OR51B5: variants seen among roughly 807,000 people sequenced by gnomAD.
OR51B5 encodes olfactory receptor 51B5.
For synonymous variants in OR51B5, 186 were observed against 144.8 expected, an observed-to-expected ratio of 1.28 and a Z score of -2.04; for missense variants, 456 against 374.6, an observed-to-expected ratio of 1.22 and a Z score of -1.79.
intron 1 of OR51B5, among the ~76,000 whole-genome samples, chr11:5,373,489 G>A (rs939933545): frequency 1.3e-5 from 2 of 152,120 alleles, no homozygotes; most frequent in African/African-American, 2.4e-5. Context: ...AGGTCAGTGG[G>A]TGCAGCACAC....
intron 1 of OR51B5, among the ~76,000 whole-genome samples, chr11:5,398,086 G>A (rs1048993934): frequency 5.9e-5 from 9 of 152,254 alleles, no homozygotes; most frequent in African/African-American, 1.9e-4. Flanking sequence ...AGCATTAGGA[G>A]ATATACCTAA....
intron 1 of OR51B5, among the ~76,000 whole-genome samples, chr11:5,395,717 T>C (rs1044559642): frequency 2.0e-5 from 3 of 152,162 alleles, no homozygotes; most frequent in Non-Finnish European, 2.9e-5. Flanking sequence ...TCTTTCAACA[T>C]AGTAAAAAAG....
chr11:5,398,999 G>A (rs1849925986), intron 1 of OR51B5, among the ~76,000 whole-genome samples: 1 of 152,198 alleles, frequency 6.6e-6, no homozygotes, highest in Admixed American at 6.5e-5. Flanking sequence ...CCATGTCACA[G>A]TGTGAAGCCC....
At chr11:5,423,187 G>C in intron 1 of OR51B5, 1 of 1,541,680 alleles carries the variant, frequency 6.5e-7, no homozygotes, top group Non-Finnish European at 8.8e-7. Flanking sequence ...TGACAAGTAT[G>C]AGTCATAGGC....
intron 1 of OR51B5, among the ~76,000 whole-genome samples, chr11:5,493,563 AG>A: frequency 6.6e-6 from 1 of 152,334 alleles, no homozygotes. Flanking sequence ...ATTAGATTTA[AG>A]GTATTAATAT....
intron 1 of OR51B5, among the ~76,000 whole-genome samples, chr11:5,483,762 TG>T (rs1332559043): frequency 6.6e-6 from 1 of 152,128 alleles, no homozygotes; most frequent in African/African-American, 2.4e-5. Context: ...GGATGCCACC[TG>T]GGTTTTCCCA....
intron 1 of OR51B5, among the ~76,000 whole-genome samples, chr11:5,449,146 A>G (rs533587787): frequency 4.3e-4 from 66 of 152,310 alleles, no homozygotes; most frequent in Admixed American, 1.1e-3. Context: ...ACAGATTGCT[A>G]AGTTCTTTTT....
intron 1 of OR51B5, among the ~76,000 whole-genome samples, chr11:5,359,776 G>T (rs1849252811): frequency 6.6e-6 from 1 of 151,454 alleles, no homozygotes; most frequent in Non-Finnish European, 1.5e-5. Context: ...AAACAGCATG[G>T]TACTGGTACC....
exon 1 of OR51B5, chr11:5,343,025 CAATACAGAAAAA>C: frequency 6.2e-7 from 1 of 1,613,584 alleles, no homozygotes; most frequent in Non-Finnish European, 8.5e-7. Flanking sequence ...ATGGGAGTGA[CAATACAGAAAAA>C]AATAGAGGGG....
chr11:5,413,980 G>A (rs949224439), intron 1 of OR51B5, among the ~76,000 whole-genome samples: 3 of 146,264 alleles, frequency 2.1e-5, no homozygotes, highest in Non-Finnish European at 3.0e-5. Flanking sequence ...ACACACAATT[G>A]TCAGATTCTC....
At chr11:5,467,975 T>A (rs1851163624) in intron 1 of OR51B5, among the ~76,000 whole-genome samples, 1 of 152,236 alleles carries the variant, frequency 6.6e-6, no homozygotes, top group Non-Finnish European at 1.5e-5. Flanking sequence ...TGGTTTCTAT[T>A]TTTGTTCCAT....
In OR51B5 at chr11:5,430,005, G is replaced by A. The variant is rs191091776; in HGVS notation, n.84+75564C>T. 6.9e-3 allele frequency among the ~76,000 whole-genome samples: 1,053 copies of A among 152,270 alleles called. 12 individuals are homozygous for A. Among genetic ancestry groups the A allele is most frequent in the African/African-American group, 0.024 (1,011 of 41,560 alleles). ...TGGGTGTGAGACCACTGGACAGCAA[G>A]TTTTAGGAAGAGTCTCTTTTCTTAC... On this transcript the variant is annotated intron_variant and non_coding_transcript_variant, in intron 1 of 4. Transcript: ENST00000415970.
Position 5,446,111 on chromosome 11 carries a change from G to T in OR51B5, n.84+59458C>A, listed in dbSNP as rs7101842. Among the ~76,000 whole-genome samples, 783 of 152,170 alleles carry T rather than the reference G, an allele frequency of 5.1e-3. 5 individuals carry two copies. Among genetic ancestry groups the T allele is most frequent in the African/African-American group, 0.017 (726 of 41,496 alleles). ...CAGCCACTGGGGCTTGTTGTGGGGT[G>T]GGGGAGAGTGGAGGGATAGCATTAG... On this transcript the variant is annotated intron_variant and non_coding_transcript_variant, in intron 1 of 4. Transcript: ENST00000415970.
chr11:5,458,712 G>A (rs1286655024), intron 1 of OR51B5, among the ~76,000 whole-genome samples: 1 of 148,390 alleles, frequency 6.7e-6, no homozygotes, highest in Non-Finnish European at 1.5e-5. Context: ...TATTCTTTTT[G>A]TAACTATTTT....
chr11:5,373,010 A>G (rs1849468223), intron 1 of OR51B5, among the ~76,000 whole-genome samples: 1 of 152,248 alleles, frequency 6.6e-6, no homozygotes, highest in Admixed American at 6.5e-5. Flanking sequence ...GAGCCCAGAA[A>G]TAAATTTACG....
intron 1 of OR51B5, among the ~76,000 whole-genome samples, chr11:5,387,544 T>C (rs1849716783): frequency 6.6e-6 from 1 of 151,930 alleles, no homozygotes; most frequent in Non-Finnish European, 1.5e-5. Flanking sequence ...TATAATAAAA[T>C]TCAAAGTAGC....
chr11:5,482,637 A>T (rs1851441326), intron 1 of OR51B5, among the ~76,000 whole-genome samples: 2 of 115,876 alleles, frequency 1.7e-5, no homozygotes, highest in African/African-American at 7.0e-5. Context: ...CAGAATCTAC[A>T]ATGAACTCAA....
intron 1 of OR51B5, chr11:5,362,722 CT>C: frequency 4.4e-6 from 1 of 227,562 alleles, no homozygotes; most frequent in Non-Finnish European, 9.2e-6. Flanking sequence ...CCACCTGGTT[CT>C]TTGTTTACGA....
chr11:5,386,033 C>T (rs755243173), intron 1 of OR51B5, among the ~76,000 whole-genome samples: 17 of 151,454 alleles, frequency 1.1e-4, no homozygotes, highest in African/African-American at 2.4e-4. Context: ...ACAGGTACTA[C>T]GTGAGAACAG....
Sources: gnomAD v4.1 joint callset for allele counts (sites outside exome capture counted in the v4.1 genomes callset) on GRCh38, gnomAD v4.1.1 for gene constraint, MANE v1.5 for transcripts, NCBI Gene and HGNC (gene_info 2026-07-23, HGNC 2026-07-21) for gene names.